The following RCL1 variants were observed in gnomAD, a reference collection of about 807,000 sequenced individuals.
RCL1 encodes the protein RNA 3'-terminal phosphate cyclase-like protein.
A neutral mutation model predicts 42.4 loss-of-function variants in RCL1; 24 were observed. The observed-to-expected ratio is 0.57, with a 90% CI of 0.41 to 0.80. RCL1 has a LOEUF of 0.80. Among genes scored for constraint, RCL1 ranks in the 30% least tolerant of loss-of-function variants. RCL1 has a pLI of 0.00. For synonymous variants in RCL1, 228 were observed against 177.3 expected, an observed-to-expected ratio of 1.29 and a Z score of -2.27; for missense variants, 578 against 467.9, an observed-to-expected ratio of 1.24 and a Z score of -2.17.
rs996822831 is a variant in RCL1 at position 4,817,576 on chromosome 9, G to A, written c.137-5972G>A. ...TCAGCCTCAACCTCTTGGGCTCAAG[G>A]GATCCTCCTGCCTCAGCTCTACCTC... is the stretch of plus-strand genomic sequence containing the variant. On this transcript the variant is annotated intron_variant, in intron 1 of 8. Transcript: ENST00000381750. Among the ~76,000 whole-genome samples, 10 of 151,544 alleles carry A rather than the reference G, an allele frequency of 6.6e-5. 1 individual carries two copies. In the South Asian group the frequency reaches 1.0e-3, roughly 16 times the overall value.
chr9:4,805,442 A>T (rs965533310), intron 1 of RCL1, among the ~76,000 whole-genome samples: 6 of 152,224 alleles, frequency 3.9e-5, no homozygotes, highest in Non-Finnish European at 7.3e-5. Flanking sequence ...AAAAAACCCC[A>T]AATTTCCAGA....
chr9:4,801,594 C>T (rs1389545311), intron 1 of RCL1, among the ~76,000 whole-genome samples: 1 of 151,992 alleles, frequency 6.6e-6, no homozygotes, highest in Non-Finnish European at 1.5e-5. Context: ...ATATGGTTTC[C>T]AGAGGAAAAT....
chr9:4,848,215 A>G (rs1397758933), intron 7 of RCL1, among the ~76,000 whole-genome samples: 2 of 152,378 alleles, frequency 1.3e-5, no homozygotes, highest in Admixed American at 1.3e-4. Context: ...GTAGAAAAGG[A>G]AAAGGAACTC....
At position 4,857,931 on chromosome 9, in the gene RCL1, CTTTT is replaced by C. The variant is rs34470773; in HGVS notation, c.972-2178_972-2175del. On this transcript the variant is annotated intron_variant, in intron 8 of 8. Coordinates refer to ENST00000381750, the MANE Select transcript of RCL1 (RefSeq NM_005772.5). The stretch of plus-strand genomic sequence containing the variant: ...AGGAAATATCCGTTTAGCTCTCCCA[CTTTT>C]TTTTTTTTTTTTTTTCAGTGAGTCT... 5.8e-5 allele frequency among the ~76,000 whole-genome samples: 6 copies of C among 103,036 alleles called. No homozygotes were observed. The East Asian group carries it at 9.9e-4, about 17-fold the overall frequency. 67.6% of individuals were successfully genotyped at this position (103,036 alleles called of 152,430 possible).
chr9:4,794,436 A>C (rs1842881936), intron 1 of RCL1, among the ~76,000 whole-genome samples: 1 of 152,186 alleles, frequency 6.6e-6, no homozygotes, highest in Non-Finnish European at 1.5e-5. Context: ...AGTTAGGGAG[A>C]GACCACAAAT....
At chr9:4,826,390 C>T (rs1195530048) in intron 2 of RCL1, among the ~76,000 whole-genome samples, 2 of 152,116 alleles carry the variant, frequency 1.3e-5, no homozygotes, top group Non-Finnish European at 2.9e-5. Flanking sequence ...CACTGAATGC[C>T]ATAAAGTACT....
chr9:4,840,992 T>C (rs955053602), intron 5 of RCL1, among the ~76,000 whole-genome samples: 5 of 152,024 alleles, frequency 3.3e-5, no homozygotes, highest in Admixed American at 6.6e-5. Context: ...GGGGGTGGGG[T>C]TGAGGACCTC....
chr9:4,839,245 CT>C (rs1468214533), intron 5 of RCL1, among the ~76,000 whole-genome samples: 1 of 152,180 alleles, frequency 6.6e-6, no homozygotes, highest in Non-Finnish European at 1.5e-5. Flanking sequence ...TGAATTCGTA[CT>C]GTTTGTTAAC....
chr9:4,849,369 T>A (rs1009516056), intron 7 of RCL1, 78 bp from the exon 8 acceptor site: 10 of 1,060,834 alleles, frequency 9.4e-6, no homozygotes, highest in Admixed American at 8.2e-5. Context: ...GAGTGTATGT[T>A]TCTGGTTTTT....
At chr9:4,844,381 A>T (rs1329685589) in intron 6 of RCL1, 144 bp from the exon 7 acceptor site, 1 of 560,172 alleles carries the variant, frequency 1.8e-6, no homozygotes, top group Non-Finnish European at 3.1e-6. Context: ...AACTAGTAGC[A>T]ACTCTATGAG....
chr9:4,813,119 A>T (rs1816238179), intron 1 of RCL1, among the ~76,000 whole-genome samples: 1 of 152,126 alleles, frequency 6.6e-6, no homozygotes, highest in Admixed American at 6.5e-5. Flanking sequence ...GTTCAGTAGG[A>T]GTGGTGATAG....
chr9:4,856,216 G>A (rs149068615), intron 8 of RCL1, among the ~76,000 whole-genome samples: 2,436 of 152,334 alleles, frequency 0.016, 32 homozygotes, highest in South Asian at 0.053. Flanking sequence ...CCCTAGGACA[G>A]GATGGGGGAG....
chr9:4,852,031 G>A (rs996933974), intron 8 of RCL1, among the ~76,000 whole-genome samples: 13 of 151,982 alleles, frequency 8.6e-5, no homozygotes, highest in Non-Finnish European at 1.9e-4. Context: ...ACAGGCACCC[G>A]CCACCGTGCC....
rs572225118 is a variant in RCL1 at position 4,813,593 on chromosome 9, G to C, written c.137-9955G>C. Among the ~76,000 whole-genome samples, 44 of 152,310 alleles carry C rather than the reference G, an allele frequency of 2.9e-4. No homozygotes were observed. In the East Asian group the frequency reaches 8.3e-3, roughly 29 times the overall value. Reference sequence around the variant, plus strand: ...GAACACTTTTACACTGTTGGTGGGAGTGTAAACTAGTTCAGCCATTGTGGA... The same window carrying C: ...GAACACTTTTACACTGTTGGTGGGACTGTAAACTAGTTCAGCCATTGTGGA... On this transcript the variant is annotated intron_variant, in intron 1 of 8. Transcript: ENST00000381750.
chr9:4,804,085 G>A (rs1172010408), intron 1 of RCL1: 1 of 152,386 alleles, frequency 6.6e-6, no homozygotes, highest in African/African-American at 2.4e-5. Context: ...GCAGGAACAG[G>A]GTGCCACGAG....
chr9:4,854,292 T>C (rs1336902316), intron 8 of RCL1, among the ~76,000 whole-genome samples: 2 of 152,100 alleles, frequency 1.3e-5, no homozygotes, highest in Non-Finnish European at 2.9e-5. Context: ...GGAGCAGAGG[T>C]CAGCTTGTCT....
Position 4,841,267 on chromosome 9 carries a change from G to T in RCL1, c.620G>T (p.Arg207Leu), listed in dbSNP as rs768483324. 1 of 1,613,438 alleles carries T rather than the reference G, an allele frequency of 6.2e-7. No individual in the cohort carries two copies. Among genetic ancestry groups the T allele is most frequent in the South Asian group, 1.1e-5 (1 of 91,074 alleles). The change falls in exon 6 of 9, where the codon CGG becomes CTG. Residue 207 changes from arginine (R) to leucine (L), a missense_variant. Arg to Leu is a moderately radical substitution (Grantham distance 102). Transcript: ENST00000381750. ...SVRVSPQMAN[R>L]IVDSARSILN... ...CGTGTGTCACCTCAGATGGCGAACC[G>T]GATTGTGGATTCTGCAAGGAGCATC...
intron 1 of RCL1, among the ~76,000 whole-genome samples, chr9:4,806,271 G>A (rs1815957691): frequency 2.0e-5 from 3 of 152,064 alleles, no homozygotes; most frequent in African/African-American, 7.2e-5. Context: ...CTAGCACCAT[G>A]TTAAGTAAAA....
chr9:4,802,683 T>C (rs1386099938), intron 1 of RCL1, among the ~76,000 whole-genome samples: 1 of 152,252 alleles, frequency 6.6e-6, no homozygotes, highest in African/African-American at 2.4e-5. Flanking sequence ...AAATTTTTAT[T>C]ACATATTTAT....
Sources: allele counts gnomAD v4.1 joint callset (sites outside exome capture counted in the v4.1 genomes callset), GRCh38; gene constraint gnomAD v4.1.1; transcripts MANE v1.5; gene names NCBI Gene and HGNC (gene_info 2026-07-23, HGNC 2026-07-21).